The following CTNND2 variants were observed in gnomAD, a reference collection of about 807,000 sequenced individuals.
CTNND2 encodes the protein catenin delta-2.
In CTNND2, 22 loss-of-function variants were observed where a neutral mutation model predicts 144.4. The observed-to-expected ratio is 0.15, with a 90% CI of 0.11 to 0.22. CTNND2 has a LOEUF of 0.22. Among genes scored for constraint, CTNND2 ranks in the 10% least tolerant of loss-of-function variants. The probability of loss-of-function intolerance (pLI) is 1.00; values close to 1 mark genes in which losing one functional copy is unlikely to be tolerated. For missense variants in CTNND2, 1,353 were observed against 1,618.8 expected, an observed-to-expected ratio of 0.84 and a Z score of 2.82; for synonymous variants, 751 against 695.6, an observed-to-expected ratio of 1.08 and a Z score of -1.25.
intron 11 of CTNND2, among the ~76,000 whole-genome samples, chr5:11,185,136 C>G (rs567727904): frequency 6.6e-6 from 1 of 152,206 alleles, no homozygotes; most frequent in Non-Finnish European, 1.5e-5. Flanking sequence ...ATTACCTGCA[C>G]GCCAAACCCA....
At chr5:11,083,341 G>C (rs554540372) in intron 15 of CTNND2, among the ~76,000 whole-genome samples, 25 of 152,300 alleles carry the variant, frequency 1.6e-4, no homozygotes, top group South Asian at 1.5e-3. Flanking sequence ...GAACAATAAA[G>C]AGTCAACTAG....
At chr5:11,439,525 T>C (rs992100848) in intron 3 of CTNND2, among the ~76,000 whole-genome samples, 1 of 152,274 alleles carries the variant, frequency 6.6e-6, no homozygotes, top group Non-Finnish European at 1.5e-5. Context: ...GGAGTTATAG[T>C]CCAAACCACG....
At chr5:11,130,262 C>A (rs374654563) in intron 12 of CTNND2, among the ~76,000 whole-genome samples, 10 of 152,034 alleles carry the variant, frequency 6.6e-5, no homozygotes, top group Admixed American at 3.3e-4. Context: ...ATACCACACC[C>A]CCCCCATCCA....
At chr5:11,547,371 A>G (rs899872067) in intron 3 of CTNND2, among the ~76,000 whole-genome samples, 4 of 152,076 alleles carry the variant, frequency 2.6e-5, no homozygotes, top group African/African-American at 9.7e-5. Context: ...ATGGGAAATT[A>G]TTTAAATGTT....
At chr5:11,544,678 G>A (rs1023161329) in intron 3 of CTNND2, among the ~76,000 whole-genome samples, 2 of 152,192 alleles carry the variant, frequency 1.3e-5, no homozygotes. Context: ...TAGCAAATCA[G>A]CAATTAAAAG....
chr5:11,199,637 G>C lies in CTNND2; in HGVS notation c.1786C>G (p.Leu596Val), dbSNP rs1052194017. ...CGATGATCCAACAGGTCCACCAGGA[G>C]CTGGATGCCTCCTTGTCTCCTTATC... ...AEIRRQGGIQLLVDLLDHRMT... is the reference protein window; with the variant it reads ...AEIRRQGGIQVLVDLLDHRMT... The change falls in exon 11 of 22, where the codon CTC (leucine) becomes GTC (valine). Residue 596 changes from leucine to valine, a missense_variant. By Grantham distance (32) the Leu-to-Val change is conservative. Around this residue, in one of 4 missense-constraint regions of CTNND2, gnomAD observed 69 missense variants for 120.3 expected, o/e 0.57. Transcript: ENST00000304623. The C allele has an allele frequency of 5.0e-6, 8 of 1,613,994 alleles. No homozygotes were observed. Among genetic ancestry groups the C allele is most frequent in the Non-Finnish European group, 4.2e-6 (5 of 1,180,032 alleles).
At chr5:11,144,610 A>C (rs76591853) in intron 12 of CTNND2, among the ~76,000 whole-genome samples, 2,084 of 152,222 alleles carry the variant, frequency 0.014, 40 homozygotes, top group African/African-American at 0.047. Context: ...CTTTTGGTCC[A>C]CAGAAATGGA....
chr5:11,902,108 T>C (rs1327640159), intron 1 of CTNND2, among the ~76,000 whole-genome samples: 1 of 152,204 alleles, frequency 6.6e-6, no homozygotes, highest in East Asian at 1.9e-4. Context: ...TTGTGATTAG[T>C]GTAATCAAAG....
chr5:11,788,027 C>A (rs1790926271), intron 1 of CTNND2, among the ~76,000 whole-genome samples: 1 of 152,140 alleles, frequency 6.6e-6, no homozygotes, highest in African/African-American at 2.4e-5. Context: ...AATGATATTT[C>A]ATTGTTGAAA....
rs1034017922 is a variant in CTNND2, at chr5:11,443,429, T to G, written c.288-31360A>C. On this transcript the variant is annotated intron_variant, in intron 3 of 21. Transcript: ENST00000304623. ...GGGGGGGGTGTGTGGTGTGTGTGTG[T>G]GGGGTGTGTGGTGTGTGTATGTCTG... Among the ~76,000 whole-genome samples the G allele has an allele frequency of 1.2e-4, 17 of 139,100 alleles. No individual in the cohort carries two copies. The Admixed American group carries it at 1.2e-3, about 10-fold the overall frequency. The allele number at this position is 139,100 out of a possible 152,430, so 91.3% of individuals were successfully genotyped here. A position where few individuals can be genotyped will look rare whatever the true frequency, so the allele number is the denominator to read the frequency against.
chr5:11,546,442 CA>C (rs1251726876), intron 3 of CTNND2, among the ~76,000 whole-genome samples: 2 of 151,928 alleles, frequency 1.3e-5, no homozygotes, highest in African/African-American at 2.4e-5. Flanking sequence ...TAGAAGAAGA[CA>C]CAATACAGTA....
intron 5 of CTNND2, among the ~76,000 whole-genome samples, chr5:11,404,315 C>T (rs975417990): frequency 2.0e-5 from 3 of 152,174 alleles, no homozygotes; most frequent in Non-Finnish European, 2.9e-5. Flanking sequence ...CTACTGTTGA[C>T]CTGGCTTTGT....
At chr5:11,157,324 C>T (rs1280464234) in intron 12 of CTNND2, among the ~76,000 whole-genome samples, 2 of 152,180 alleles carry the variant, frequency 1.3e-5, no homozygotes, top group African/African-American at 4.8e-5. Context: ...CCCATTGCAT[C>T]ATTTCTATGT....
intron 1 of CTNND2, among the ~76,000 whole-genome samples, chr5:11,831,889 C>T (rs1236348914): frequency 2.6e-5 from 4 of 151,916 alleles, no homozygotes; most frequent in Non-Finnish European, 5.9e-5. Flanking sequence ...TTAATATGTA[C>T]GAGTTCTAGA....
At chr5:11,147,522 C>A (rs1757354024) in intron 12 of CTNND2, among the ~76,000 whole-genome samples, 1 of 152,106 alleles carries the variant, frequency 6.6e-6, no homozygotes, top group Non-Finnish European at 1.5e-5. Flanking sequence ...CCCAGGCCAG[C>A]TATGTCCACA....
chr5:11,003,511 G>T (rs1249697958), intron 18 of CTNND2, among the ~76,000 whole-genome samples: 2 of 152,058 alleles, frequency 1.3e-5, no homozygotes, highest in Non-Finnish European at 2.9e-5. Context: ...CAAATTAGTG[G>T]CATTTACACA....
chr5:11,331,946 T>A (rs1753181270), intron 9 of CTNND2, among the ~76,000 whole-genome samples: 2 of 152,112 alleles, frequency 1.3e-5, no homozygotes, highest in Admixed American at 1.3e-4. Context: ...AAATCATAAG[T>A]GCTTGAGGTG....
intron 1 of CTNND2, among the ~76,000 whole-genome samples, chr5:11,782,976 G>T (rs1790624795): frequency 6.6e-6 from 1 of 152,174 alleles, no homozygotes; most frequent in South Asian, 2.1e-4. Flanking sequence ...GTGGACATTG[G>T]AGAACATGGC....
intron 1 of CTNND2, among the ~76,000 whole-genome samples, chr5:11,811,545 T>C (rs754121708): frequency 6.6e-6 from 1 of 152,208 alleles, no homozygotes; most frequent in African/African-American, 2.4e-5. Context: ...TTCCATTTTG[T>C]GCATTTAAAA....
Sources: gnomAD v4.1 joint callset for allele counts (sites outside exome capture counted in the v4.1 genomes callset) on GRCh38, gnomAD v4.1.1 for gene constraint, gnomAD v4.1.1 regional missense constraint, MANE v1.5 for transcripts, NCBI Gene and HGNC (gene_info 2026-07-23, HGNC 2026-07-21) for gene names.